Variants in KAT6B observed in about 807,000 individuals in gnomAD.
The protein encoded by KAT6B is lysine acetyltransferase 6B, also known as histone acetyltransferase KAT6B.
In KAT6B, 10 loss-of-function variants were observed where a neutral mutation model predicts 187.5. The observed-to-expected ratio is 0.05, with a 90% confidence interval of 0.03 to 0.09. KAT6B has a LOEUF of 0.09. Among genes scored for constraint, KAT6B ranks in the 10% least tolerant of loss-of-function variants. The pLI, the probability that KAT6B is intolerant of heterozygous loss-of-function variation, is 1.00. For missense variants in KAT6B, 1,952 were observed against 2,558.9 expected (o/e 0.76, Z 5.12); for synonymous variants, 861 against 926.8 (o/e 0.93, Z 1.29).
At chr10:74,877,092 A>G (rs946884344) in intron 3 of KAT6B, among the ~76,000 whole-genome samples, 4 of 151,552 alleles carry the variant, frequency 2.6e-5, no homozygotes, top group Non-Finnish European at 4.4e-5. Flanking sequence ...CAGCCTTCCC[A>G]GTAGCTGGGA....
At chr10:74,974,536 G>T (rs192092476) in intron 7 of KAT6B, among the ~76,000 whole-genome samples, 35 of 152,288 alleles carry the variant, frequency 2.3e-4, no homozygotes, top group African/African-American at 8.2e-4. Context: ...CTAGCCTGAG[G>T]TGAAGACAGT....
intron 13 of KAT6B, among the ~76,000 whole-genome samples, chr10:75,004,115 T>C (rs991443705): frequency 6.6e-6 from 1 of 152,146 alleles, no homozygotes; most frequent in Non-Finnish European, 1.5e-5. Context: ...TGACTGGCAT[T>C]TGCATTGAGT....
intron 2 of KAT6B, among the ~76,000 whole-genome samples, chr10:74,840,525 G>T (rs1841668336): frequency 6.6e-6 from 1 of 152,194 alleles, no homozygotes; most frequent in South Asian, 2.1e-4. Context: ...CTCTGAGCAA[G>T]AAATTTAGCT....
Position 75,028,546 on chromosome 10 carries a change from C to G in KAT6B, c.3722C>G (p.Pro1241Arg). The G allele has an allele frequency of 6.2e-7, 1 of 1,614,176 alleles. No individual in the cohort carries two copies. Among genetic ancestry groups the G allele is most frequent in the Middle Eastern group, 1.6e-4 (1 of 6,062 alleles). The change falls in exon 18 of 18, where the codon CCT becomes CGT. Residue 1241 changes from proline (P) to arginine (R), a missense_variant. Pro to Arg is a moderately radical substitution (Grantham distance 103). Around this residue, in one of 9 missense-constraint regions of KAT6B, gnomAD observed 758 missense variants for 891.4 expected, o/e 0.85. Transcript: ENST00000287239. ...LKEGSKDNPE[P>R]LKCKQVWPKG... Reference sequence around the variant, plus strand: ...GAAGGCAGTAAAGACAATCCCGAACCTCTAAAGTGCAAACAAGTGTGGCCA... The same window carrying G: ...GAAGGCAGTAAAGACAATCCCGAACGTCTAAAGTGCAAACAAGTGTGGCCA...
At chr10:75,015,776 C>A (rs1479534756) in intron 13 of KAT6B, among the ~76,000 whole-genome samples, 1 of 152,202 alleles carries the variant, frequency 6.6e-6, no homozygotes, top group South Asian at 2.1e-4. Flanking sequence ...AGATTATCAT[C>A]CCCTAAAAGC....
chr10:74,845,824 G>T (rs1324626754), intron 3 of KAT6B, among the ~76,000 whole-genome samples: 1 of 148,264 alleles, frequency 6.7e-6, no homozygotes, highest in Non-Finnish European at 1.5e-5. Flanking sequence ...CTTTAGATCA[G>T]ATCAGCCCAT....
chr10:74,913,150 A>G (rs1328163590), intron 3 of KAT6B, among the ~76,000 whole-genome samples: 1 of 152,212 alleles, frequency 6.6e-6, no homozygotes, highest in Non-Finnish European at 1.5e-5. Flanking sequence ...TATGACAGGT[A>G]AGTCTACAGG....
chr10:74,952,298 T>A (rs936934472), intron 3 of KAT6B, among the ~76,000 whole-genome samples: 1 of 150,770 alleles, frequency 6.6e-6, no homozygotes, highest in Non-Finnish European at 1.5e-5. Flanking sequence ...CGAGCTGGAG[T>A]GAGCTTTGAT....
chr10:74,886,088 T>A (rs187893119), intron 3 of KAT6B, among the ~76,000 whole-genome samples: 131 of 152,244 alleles, frequency 8.6e-4, no homozygotes, highest in African/African-American at 2.8e-3. Context: ...TGGGTTATCA[T>A]CAGGCTGTAA....
Position 74,970,706 on chromosome 10 carries a change from T to G in KAT6B, c.928+605T>G, listed in dbSNP as rs1366482469. Among the ~76,000 whole-genome samples the G allele has an allele frequency of 3.3e-5, 5 of 152,192 alleles. No homozygotes were observed. The East Asian group carries it at 7.7e-4, about 23-fold the overall frequency. On this transcript the variant is annotated intron_variant, in intron 6 of 17. Transcript: ENST00000287239. ...CTTTGCCTTTTTATTATAAAATCCA[T>G]AATTTACATTGTGGAAGATTTAAAA...
chr10:74,991,961 G>T (rs1843146925), intron 13 of KAT6B, among the ~76,000 whole-genome samples: 1 of 152,180 alleles, frequency 6.6e-6, no homozygotes, highest in Non-Finnish European at 1.5e-5. Context: ...AGCCTTTGAA[G>T]GTAGGGATGA....
intron 17 of KAT6B, among the ~76,000 whole-genome samples, chr10:75,026,914 T>G (rs1283853082): frequency 6.6e-6 from 1 of 152,128 alleles, no homozygotes; most frequent in East Asian, 1.9e-4. Flanking sequence ...GGTAGGCAGA[T>G]CACCTGAGGT....
chr10:74,871,923 G>A (rs1844016811), intron 3 of KAT6B, among the ~76,000 whole-genome samples: 1 of 152,120 alleles, frequency 6.6e-6, no homozygotes, highest in African/African-American at 2.4e-5. Flanking sequence ...GTTTAATAAG[G>A]ATAACAACCT....
intron 3 of KAT6B, among the ~76,000 whole-genome samples, chr10:74,849,449 A>G (rs1256685536): frequency 6.6e-6 from 1 of 150,978 alleles, no homozygotes; most frequent in Non-Finnish European, 1.5e-5. Context: ...CGCACCACCA[A>G]GCCCGGCTAA....
Position 74,975,924 on chromosome 10 carries a change from C to T in KAT6B, c.1587C>T (p.Pro529=). The change falls in exon 8 of 18, where the codon CCC becomes CCT. Residue 529 remains proline (P), a synonymous_variant. Coordinates refer to ENST00000287239, the MANE Select transcript of KAT6B (RefSeq NM_012330.4). ...PQSSSSQCSV[P]SLSSLTTNSQ... ...GTTCTTCCAGCCAGTGCAGTGTGCC[C>T]TCCCTGAGCAGCCTTACCACTAACA... 1 of 1,614,160 alleles carries T rather than the reference C, an allele frequency of 6.2e-7. No individual in the cohort carries two copies. Among genetic ancestry groups the T allele is most frequent in the Non-Finnish European group, 8.5e-7 (1 of 1,180,026 alleles).
At chr10:74,901,840 T>A (rs1302643075) in intron 3 of KAT6B, among the ~76,000 whole-genome samples, 1 of 152,234 alleles carries the variant, frequency 6.6e-6, no homozygotes. Context: ...ACTTTTATTT[T>A]AATTTTTAGA....
At position 74,857,140 on chromosome 10, in the gene KAT6B, T is replaced by C. The variant is rs1224166938; in HGVS notation, c.621+13662T>C. 2.0e-5 allele frequency among the ~76,000 whole-genome samples: 3 copies of C among 152,232 alleles called. No homozygotes were observed. In the East Asian group the frequency reaches 5.8e-4, roughly 29 times the overall value. ...TGTGAGTAACCTTTCACCCAGTGTG[T>C]ATTAGTTTTCTATTGCTGCTGTAAC... is the stretch of plus-strand genomic sequence containing the variant. On this transcript the variant is annotated intron_variant, in intron 3 of 17. Transcript: ENST00000287239.
At chr10:75,008,777 T>G (rs1844395319) in intron 13 of KAT6B, among the ~76,000 whole-genome samples, 1 of 152,218 alleles carries the variant, frequency 6.6e-6, no homozygotes, top group African/African-American at 2.4e-5. Context: ...TAAATCTTCC[T>G]TGAAGAGGAA....
chr10:74,973,713 C>T (rs967171177), intron 7 of KAT6B, among the ~76,000 whole-genome samples: 1 of 152,122 alleles, frequency 6.6e-6, no homozygotes, highest in African/African-American at 2.4e-5. Flanking sequence ...ACCCTTTAAC[C>T]AGTAGACATT....
Sources: gnomAD v4.1 joint callset for allele counts (sites outside exome capture counted in the v4.1 genomes callset) on GRCh38, gnomAD v4.1.1 for gene constraint, gnomAD v4.1.1 regional missense constraint, MANE v1.5 for transcripts, NCBI Gene and HGNC (gene_info 2026-07-23, HGNC 2026-07-21) for gene names.